Variants in TENM2 observed in about 807,000 individuals in gnomAD.
TENM2 encodes the protein teneurin-2.
Under a neutral mutation model 245.2 loss-of-function variants are expected in TENM2, and 52 were observed. That is an observed-to-expected ratio of 0.21 (90% CI 0.17 to 0.27). TENM2 has a LOEUF of 0.27. Ranked by LOEUF, TENM2 falls within the 10% of genes least tolerant of loss-of-function variation. The pLI, the probability that TENM2 is intolerant of heterozygous loss-of-function variation, is 1.00. For synonymous variants in TENM2, 1,363 were observed against 1,438.9 expected, an observed-to-expected ratio of 0.95 and a Z score of 1.19; for missense variants, 3,046 against 3,666.8, an observed-to-expected ratio of 0.83 and a Z score of 4.37.
chr5:167,105,967 G>A, the TENM2 span, among the ~76,000 whole-genome samples: 410 of 138,110 alleles, frequency 3.0e-3, 2 homozygotes, highest in African/African-American at 9.7e-3. Context: ...AAGCAGCTTT[G>A]AGAAATGTGA....
chr5:167,663,689 A>C (rs915573571), intron 2 of TENM2, among the ~76,000 whole-genome samples: 1 of 151,432 alleles, frequency 6.6e-6, no homozygotes, highest in Non-Finnish European at 1.5e-5. Flanking sequence ...TTTCTATTCC[A>C]TTTTGTCTCT....
chr5:167,119,211 C>T, the TENM2 span, among the ~76,000 whole-genome samples: 1 of 152,166 alleles, frequency 6.6e-6, no homozygotes, highest in Non-Finnish European at 1.5e-5. Flanking sequence ...TTGCCTGCAA[C>T]ATAACTTTGA....
intron 2 of TENM2, among the ~76,000 whole-genome samples, chr5:167,428,333 T>C (rs1412915119): frequency 1.3e-5 from 2 of 152,170 alleles, no homozygotes; most frequent in African/African-American, 4.8e-5. Flanking sequence ...AACCAAATTT[T>C]AGTTAGGTAA....
intron 2 of TENM2, among the ~76,000 whole-genome samples, chr5:167,393,246 TAAAG>T (rs577583163): frequency 2.7e-5 from 4 of 149,508 alleles, no homozygotes; most frequent in Admixed American, 6.7e-5. Flanking sequence ...ATGAAGGAAA[TAAAG>T]AAAAAACTAT....
chr5:167,995,481 T>A (rs796170051), intron 5 of TENM2, among the ~76,000 whole-genome samples: 16 of 152,292 alleles, frequency 1.1e-4, no homozygotes, highest in African/African-American at 3.8e-4. Context: ...AAATGAGTGA[T>A]ATAATGGGCC....
chr5:167,806,126 C>T (rs978743086), intron 2 of TENM2, among the ~76,000 whole-genome samples: 3 of 152,070 alleles, frequency 2.0e-5, no homozygotes, highest in African/African-American at 4.8e-5. Context: ...AAGGTAGAGG[C>T]AGGACAGAGT....
intron 2 of TENM2, among the ~76,000 whole-genome samples, chr5:167,541,186 G>T (rs911800394): frequency 7.9e-5 from 12 of 152,136 alleles, no homozygotes; most frequent in African/African-American, 2.9e-4. Flanking sequence ...AAAACCTGAA[G>T]AAAGTAGCTA....
the TENM2 span, among the ~76,000 whole-genome samples, chr5:167,139,485 A>C: frequency 6.6e-5 from 10 of 152,370 alleles, no homozygotes; most frequent in Middle Eastern, 3.4e-3. Flanking sequence ...TTAGGGCATA[A>C]AACTCTAAAC....
At chr5:167,001,691 G>T in the TENM2 span, among the ~76,000 whole-genome samples, 1 of 152,056 alleles carries the variant, frequency 6.6e-6, no homozygotes, top group Non-Finnish European at 1.5e-5. Flanking sequence ...TGCAAATGTT[G>T]CTTTCCAAGT....
Position 167,873,239 on chromosome 5 carries a change from C to A in TENM2, c.503-2747C>A, listed in dbSNP as rs554809851. Among the ~76,000 whole-genome samples, 5 of 152,324 alleles carry A rather than the reference C, an allele frequency of 3.3e-5. No homozygotes were observed. In the South Asian group the frequency reaches 1.0e-3, roughly 32 times the overall value. ...AACTTTGAACTCTGTCGGATGATAG[C>A]GGCTGTAAATGGTTATTCAAAGAAA... On this transcript the variant is annotated intron_variant, in intron 2 of 28. Transcript: ENST00000518659.
At chr5:167,252,374 C>T in the TENM2 span, among the ~76,000 whole-genome samples, 426 of 152,208 alleles carry the variant, frequency 2.8e-3, 14 homozygotes, top group East Asian at 0.057. Context: ...AAAATAGCTC[C>T]AAGAGAAGAT....
intron 2 of TENM2, among the ~76,000 whole-genome samples, chr5:167,547,676 G>T (rs972110262): frequency 2.6e-5 from 4 of 152,186 alleles, no homozygotes; most frequent in Non-Finnish European, 5.9e-5. Flanking sequence ...GAGGCTCAAA[G>T]AGGTCTTATG....
intron 2 of TENM2, among the ~76,000 whole-genome samples, chr5:167,574,899 C>A (rs1201291643): frequency 6.6e-6 from 1 of 152,018 alleles, no homozygotes; most frequent in African/African-American, 2.4e-5. Flanking sequence ...TGGCATGTCT[C>A]CTTTAAAGAG....
intron 2 of TENM2, among the ~76,000 whole-genome samples, chr5:167,681,056 C>T (rs1435787455): frequency 1.3e-5 from 2 of 152,170 alleles, no homozygotes; most frequent in African/African-American, 4.8e-5. Context: ...TCTGTTTTCA[C>T]ATTTTAAAAC....
intron 5 of TENM2, among the ~76,000 whole-genome samples, chr5:168,032,466 G>A (rs1787229682): frequency 6.6e-6 from 1 of 152,178 alleles, no homozygotes; most frequent in Non-Finnish European, 1.5e-5. Flanking sequence ...TGGGAGAAAG[G>A]CAAGTAGGGC....
the TENM2 span, among the ~76,000 whole-genome samples, chr5:167,262,446 T>C: frequency 6.6e-6 from 1 of 151,608 alleles, no homozygotes; most frequent in East Asian, 1.9e-4. Flanking sequence ...ACCCCACTCA[T>C]GGATGTATGA....
the TENM2 span, among the ~76,000 whole-genome samples, chr5:167,210,451 A>ATTTTTT: frequency 1.1e-4 from 11 of 101,218 alleles, no homozygotes; most frequent in African/African-American, 1.2e-4. Context: ...TTTTCACTGC[A>ATTTTTT]TTTTTTTTTT....
At position 168,006,305 on chromosome 5, in the gene TENM2, T is replaced by A. The variant is rs182279837; in HGVS notation, c.1186+13123T>A. ...GCTGAATGGGAAGACTTAACATCGC[T>A]ACCCTGAACCACATGACTCTGGAAG... On this transcript the variant is annotated intron_variant, in intron 5 of 28. Transcript: ENST00000518659. 2.0e-5 allele frequency among the ~76,000 whole-genome samples: 3 copies of A among 152,312 alleles called. No individual in the cohort carries two copies. The East Asian group carries it at 5.8e-4, about 29-fold the overall frequency.
At chr5:167,671,460 C>G (rs1448892425) in intron 2 of TENM2, among the ~76,000 whole-genome samples, 2 of 152,110 alleles carry the variant, frequency 1.3e-5, no homozygotes, top group Non-Finnish European at 2.9e-5. Context: ...ACTACACAGA[C>G]TGGGCCCCAC....
Sources: allele counts gnomAD v4.1 joint callset (sites outside exome capture counted in the v4.1 genomes callset), GRCh38; gene constraint gnomAD v4.1.1; transcripts MANE v1.5; gene names NCBI Gene and HGNC (gene_info 2026-07-23, HGNC 2026-07-21).